LAMA5: variants seen among roughly 807,000 people sequenced by gnomAD.
LAMA5 encodes the protein laminin subunit alpha 5, also known as laminin subunit alpha-5.
A neutral mutation model predicts 433.4 loss-of-function variants in LAMA5; 260 were observed. The ratio of observed to expected loss-of-function variants is 0.60; its 90% CI spans 0.54 to 0.66. LAMA5 has a LOEUF of 0.66. LAMA5 is among the 30% of genes least tolerant of loss of function. The probability of loss-of-function intolerance (pLI) is 0.00; values close to 1 mark genes in which losing one functional copy is unlikely to be tolerated. For synonymous variants in LAMA5, 2,620 were observed against 2,226.6 expected, an observed-to-expected ratio of 1.18 and a Z score of -4.97; for missense variants, 5,378 against 5,258.5, an observed-to-expected ratio of 1.02 and a Z score of -0.70.
intron 16 of LAMA5, among the ~76,000 whole-genome samples, chr20:62,337,222 C>T (rs1373155967): frequency 6.6e-6 from 1 of 151,878 alleles, no homozygotes; most frequent in Non-Finnish European, 1.5e-5. Context: ...GCGACACGCG[C>T]CCACATGCGA....
At position 62,322,107 on chromosome 20, in the gene LAMA5, C is replaced by A. The variant is rs530864216; in HGVS notation, c.6408G>T (p.Gly2136=). ...PHTGRCNCPP[G]LSGERCDTCS... ...AGGTGTCGCAGCGCTCCCCGCTGAG[C>A]CCCGGGGGGCAGTTGCAGCGGCCCG... The change falls in exon 48 of 80, where the codon GGG becomes GGT. Residue 2136 remains glycine (G), a synonymous_variant. Coordinates refer to ENST00000252999, the MANE Select transcript of LAMA5 (RefSeq NM_005560.6). 6.2e-6 allele frequency: 10 copies of A among 1,602,928 alleles called. 1 individual carries two copies. In the South Asian group the frequency reaches 1.1e-4, roughly 18 times the overall value.
chr20:62,319,690 G>A lies in LAMA5; in HGVS notation c.6865C>T (p.Leu2289=). 6.5e-7 allele frequency: 1 copy of A among 1,540,106 alleles called. No homozygotes were observed. Among genetic ancestry groups the A allele is most frequent in the South Asian group, 1.2e-5 (1 of 83,924 alleles). The change falls in exon 51 of 80, where the codon CTG becomes TTG. Residue 2289 remains leucine, a synonymous_variant. Transcript: ENST00000252999. The part of the protein sequence containing the change: ...LAAIRAVDRT[L]SELMSQTGHL... The stretch of plus-strand genomic sequence containing the variant: ...TGGCTGGGCTGGCCCCTACCGCTCA[G>A]GGTGCGGTCCACAGCCCGGATGGCC...
chr20:62,323,034 A>ATTGT (rs1978574848), intron 45 of LAMA5, among the ~76,000 whole-genome samples: 1 of 95,340 alleles, frequency 1.0e-5, no homozygotes, highest in Non-Finnish European at 2.0e-5. Flanking sequence ...TCTAACCATG[A>ATTGT]GGGGGGACTG....
rs770749080 is a variant in LAMA5, at chr20:62,314,323, C to T, written c.8485G>A (p.Ala2829Thr). ...SIDEDIGEQF[A>T]AVSLDRTLQF... ...TCCCACCTGTCCAGGCTGACAGCTGCGAACTGCTCCCCAATGTCCTCATCG... is the reference window on the plus strand; with the variant it reads ...TCCCACCTGTCCAGGCTGACAGCTGTGAACTGCTCCCCAATGTCCTCATCG... Residue 2829 changes from alanine (A) to threonine (T), a missense_variant, in exon 62 of 80, where the codon GCA becomes ACA. Transcript: ENST00000252999. 60 of 1,613,198 alleles carry T rather than the reference C, an allele frequency of 3.7e-5. No individual in the cohort carries two copies. Among genetic ancestry groups the T allele is most frequent in the Middle Eastern group, 3.3e-4 (2 of 6,058 alleles).
rs367706468 is a variant in LAMA5 at position 62,336,835 on chromosome 20, A to C, written c.2165-49T>G. The C allele has an allele frequency of 2.5e-6, 4 of 1,593,334 alleles. No homozygotes were observed. The African/African-American group carries it at 4.0e-5, about 16-fold the overall frequency. On this transcript the variant is annotated intron_variant, in intron 16 of 79. Coordinates refer to ENST00000252999, the MANE Select transcript of LAMA5 (RefSeq NM_005560.6). ...GGTCATTTCCCAGTGACCAACCCGG[A>C]AGGCCAAGGGTGTCCCAGGCCCAGC...
At chr20:62,331,162 C>T (rs371985771) in intron 28 of LAMA5, 33 bp from the exon 29 acceptor site, 9 of 1,390,102 alleles carry the variant, frequency 6.5e-6, no homozygotes, top group Middle Eastern at 1.9e-4. Flanking sequence ...CTGCAACGCC[C>T]GTGGTGCGGG....
At chr20:62,361,447 C>T (rs116403553) in intron 2 of LAMA5, among the ~76,000 whole-genome samples, 9,612 of 152,276 alleles carry the variant, frequency 0.063, 344 homozygotes, top group South Asian at 0.16. Flanking sequence ...ACCAAGGCTG[C>T]CAAAGGTGCC....
intron 2 of LAMA5, among the ~76,000 whole-genome samples, chr20:62,358,458 C>T (rs947360469): frequency 2.0e-5 from 3 of 152,204 alleles, no homozygotes; most frequent in East Asian, 1.9e-4. Context: ...ACCCACTGAC[C>T]GTCCTGGGGC....
At position 62,367,224 on chromosome 20, in the gene LAMA5, C is replaced by A. The variant is rs1264010843; in HGVS notation, c.22G>T (p.Gly8Trp). Reference protein sequence around the residue: MAKRLCAGSALCVRGPRG... With the variant: MAKRLCAWSALCVRGPRG... ...GGGCCGCGAACACACAGTGCGCTCC[C>A]CGCGCAGAGCCGCTTCGCCATCTTC... The change falls in exon 1 of 80, where the codon GGG becomes TGG. Residue 8 changes from glycine (G) to tryptophan (W), a missense_variant. By Grantham distance (184) the Gly-to-Trp change is radical (BLOSUM62 -2). Transcript: ENST00000252999. 4.2e-6 allele frequency: 5 copies of A among 1,193,928 alleles called. No homozygotes were observed. In the African/African-American group the frequency reaches 4.8e-5, roughly 12 times the overall value. 74.0% of individuals were successfully genotyped at this position (1,193,928 alleles called of 1,614,324 possible).
At chr20:62,329,961 C>A (rs750612219) in intron 31 of LAMA5, 45 bp from the exon 32 acceptor site, 2 of 1,594,194 alleles carry the variant, frequency 1.3e-6, no homozygotes, top group South Asian at 1.1e-5. Flanking sequence ...TCTCTAGCGC[C>A]CCCAAGACAC....
intron 44 of LAMA5, 26 bp downstream of exon 44, chr20:62,323,750 G>GC (rs1485232566): frequency 6.2e-7 from 1 of 1,602,950 alleles, no homozygotes; most frequent in African/African-American, 1.3e-5. Flanking sequence ...CTCAGGCCCT[G>GC]CCCCACTGCC....
In LAMA5 at chr20:62,311,530, C is replaced by T; in HGVS notation, c.9813G>A (p.Leu3271=). 1 of 1,609,836 alleles carries T rather than the reference C, an allele frequency of 6.2e-7. No individual in the cohort carries two copies. Among genetic ancestry groups the T allele is most frequent in the Non-Finnish European group, 8.5e-7 (1 of 1,178,056 alleles). ...CISNVFVQRL[L]GPQRVFDLQQ... Reference sequence around the variant, plus strand: ...GCAGATCAAATACGCGCTGTGGGCCCAGGAGCCTGTGCAGGGCGGGCAGGC... The same window carrying T: ...GCAGATCAAATACGCGCTGTGGGCCTAGGAGCCTGTGCAGGGCGGGCAGGC... The change falls in exon 72 of 80, where the codon CTG becomes CTA. Residue 3271 remains leucine (L), a synonymous_variant. Transcript: ENST00000252999.
chr20:62,320,868 C>G lies in LAMA5; in HGVS notation c.6519G>C (p.Leu2173=). The change falls in exon 49 of 80, where the codon CTG becomes CTC. Residue 2173 remains leucine (L), a synonymous_variant. Coordinates refer to ENST00000252999, the MANE Select transcript of LAMA5 (RefSeq NM_005560.6). The part of the protein sequence containing the change: ...HCEVCDHCVV[L]LLDDLERAGA... ...CGGCCCGTTCCAGGTCATCCAGGAG[C>G]AGGACCACACAGTGGTCACACACTG... 6.2e-7 allele frequency: 1 copy of G among 1,611,066 alleles called. No individual in the cohort carries two copies. Among genetic ancestry groups the G allele is most frequent in the Non-Finnish European group, 8.5e-7 (1 of 1,179,090 alleles).
intron 30 of LAMA5, 51 bp downstream of exon 30, chr20:62,330,691 AC>A: frequency 2.6e-6 from 4 of 1,557,306 alleles, no homozygotes; most frequent in Non-Finnish European, 3.5e-6. Flanking sequence ...CTGGGTTGGG[AC>A]CCGGAGTCCT....
At chr20:62,330,325 G>C (rs1362419259) in intron 31 of LAMA5, among the ~76,000 whole-genome samples, 163 bp downstream of exon 31, 1 of 152,246 alleles carries the variant, frequency 6.6e-6, no homozygotes, top group Non-Finnish European at 1.5e-5. Flanking sequence ...GGAGCGGGCG[G>C]GTAGGGGCTG....
In LAMA5 at chr20:62,310,914, G is replaced by C; in HGVS notation, c.10269C>G (p.Gly3423=). The C allele has an allele frequency of 6.2e-7, 1 of 1,610,334 alleles. No homozygotes were observed. Among genetic ancestry groups the C allele is most frequent in the South Asian group, 1.1e-5 (1 of 90,916 alleles). ...TCTCGGCCCTCACCTTGTGCCAGCGGCCAGGCCGGGAGCGCTGGCGGCTCT... is the reference window on the plus strand; with the variant it reads ...TCTCGGCCCTCACCTTGTGCCAGCGCCCAGGCCGGGAGCGCTGGCGGCTCT... ...RAQSRQRSRP[G]RWHKVSVRWE... The change falls in exon 74 of 80, where the codon GGC becomes GGG. Residue 3423 remains glycine (G), a synonymous_variant. Coordinates refer to ENST00000252999, the MANE Select transcript of LAMA5 (RefSeq NM_005560.6).
At chr20:62,315,743 G>T (rs1311078844) in intron 58 of LAMA5, among the ~76,000 whole-genome samples, 1 of 152,186 alleles carries the variant, frequency 6.6e-6, no homozygotes, top group East Asian at 1.9e-4. Flanking sequence ...TTCCAAGCTT[G>T]CCAGGCTCCC....
At chr20:62,350,313 G>C (rs1379657562) in intron 6 of LAMA5, among the ~76,000 whole-genome samples, 1 of 152,108 alleles carries the variant, frequency 6.6e-6, no homozygotes, top group African/African-American at 2.4e-5. Context: ...ACCTGAAGCT[G>C]TGCTGGCAGC....
intron 3 of LAMA5, 110 bp downstream of exon 3, chr20:62,353,024 G>T: frequency 1.4e-6 from 1 of 738,942 alleles, no homozygotes; most frequent in Non-Finnish European, 2.2e-6. Flanking sequence ...CAGCAGCCGG[G>T]TGTGAGGGCA....
Sources: allele counts gnomAD v4.1 joint callset (sites outside exome capture counted in the v4.1 genomes callset), GRCh38; gene constraint gnomAD v4.1.1; transcripts MANE v1.5; gene names NCBI Gene and HGNC (gene_info 2026-07-23, HGNC 2026-07-21).